Variants in MIA2 observed in about 807,000 individuals in gnomAD.
The protein encoded by MIA2 is MIA SH3 domain ER export factor 2, also known as melanoma inhibitory activity protein 2.
MIA2 carries 127 observed loss-of-function variants against 167.8 expected under a neutral mutation model. The observed-to-expected ratio is 0.76, with a 90% CI of 0.66 to 0.88. MIA2 has a LOEUF of 0.88. Among genes scored for constraint, MIA2 ranks in the 40% least tolerant of loss-of-function variants. The pLI, the probability that MIA2 is intolerant of heterozygous loss-of-function variation, is 0.00. For missense variants in MIA2, 1,690 were observed against 1,624.7 expected, an observed-to-expected ratio of 1.04 and a Z score of -0.69; for synonymous variants, 552 against 541.9, an observed-to-expected ratio of 1.02 and a Z score of -0.26.
intron 6 of MIA2, among the ~76,000 whole-genome samples, chr14:39,263,911 G>T (rs1353518001): frequency 3.9e-5 from 6 of 152,088 alleles, no homozygotes; most frequent in Non-Finnish European, 8.8e-5. Context: ...TGGGATTATA[G>T]GTGTGAGCCA....
Position 39,244,655 on chromosome 14 carries a change from TA to T in MIA2, c.337-2247del, listed in dbSNP as rs900214250. Among the ~76,000 whole-genome samples the T allele has an allele frequency of 7.9e-5, 12 of 151,398 alleles. No individual in the cohort carries two copies. In the South Asian group the frequency reaches 8.4e-4, roughly 11 times the overall value. ...ACATCGCTATTTCTAACATTCAGAT[TA>T]AAAAAAAAGTCTTCATCATGTTTCT... is the stretch of plus-strand genomic sequence containing the variant. On this transcript the variant is annotated intron_variant, in intron 3 of 28. Transcript: ENST00000640607.
chr14:39,297,459 A>G (rs568747167), intron 13 of MIA2, among the ~76,000 whole-genome samples: 1 of 152,316 alleles, frequency 6.6e-6, no homozygotes, highest in South Asian at 2.1e-4. Flanking sequence ...CACAGGGATG[A>G]GTCCTCCACA....
chr14:39,317,919 T>G, intron 21 of MIA2, 25 bp from the exon 22 acceptor site: 1 of 1,507,434 alleles, frequency 6.6e-7, no homozygotes, highest in East Asian at 2.4e-5. Flanking sequence ...TAAATATATT[T>G]TTAAAATGTG....
chr14:39,381,834 ACAAAT>A (rs911478414), intron 23 of MIA2, among the ~76,000 whole-genome samples: 2 of 148,182 alleles, frequency 1.3e-5, no homozygotes, highest in East Asian at 2.0e-4. Flanking sequence ...AAAACCAGAA[ACAAAT>A]CAACAACAAC....
intron 23 of MIA2, among the ~76,000 whole-genome samples, chr14:39,320,480 A>G (rs983041548): frequency 6.6e-6 from 1 of 152,156 alleles, no homozygotes; most frequent in African/African-American, 2.4e-5. Context: ...AGCATTATTT[A>G]AACAATTCAT....
intron 25 of MIA2, among the ~76,000 whole-genome samples, chr14:39,341,331 T>A (rs1203511753): frequency 1.3e-5 from 2 of 151,836 alleles, no homozygotes; most frequent in African/African-American, 2.4e-5. Context: ...AATGAATAAA[T>A]AAATAAATAA....
downstream of MIA2, chr14:39,351,189 C>T (rs1055992196): frequency 3.9e-5 from 6 of 152,006 alleles, no homozygotes; most frequent in Non-Finnish European, 7.4e-5. Flanking sequence ...CATCATAATA[C>T]TTAACGTTGC....
downstream of MIA2, among the ~76,000 whole-genome samples, chr14:39,353,832 G>A (rs142615034): frequency 0.02 from 3,080 of 152,210 alleles, 98 homozygotes; most frequent in African/African-American, 0.067. Flanking sequence ...TTTTGTCCTT[G>A]CGATAGTTTG....
At chr14:39,375,339 C>G (rs114945611) in intron 23 of MIA2, among the ~76,000 whole-genome samples, 42 of 152,012 alleles carry the variant, frequency 2.8e-4, no homozygotes, top group Non-Finnish European at 1.0e-4. Context: ...GAGTTTTTGC[C>G]ATGTTAAATT....
At chr14:39,311,834 G>GTT (rs1208988140) in intron 18 of MIA2, among the ~76,000 whole-genome samples, 5 of 77,498 alleles carry the variant, frequency 6.5e-5, no homozygotes, top group African/African-American at 1.5e-4. Context: ...TTGTGTGTGT[G>GTT]TGTTTTTTTT....
chr14:39,284,601 C>T (rs910073566), intron 9 of MIA2, among the ~76,000 whole-genome samples: 3 of 151,860 alleles, frequency 2.0e-5, no homozygotes, highest in Admixed American at 6.6e-5. Flanking sequence ...ATTTTGGCTG[C>T]GTTTCCATTT....
In MIA2 at chr14:39,267,233, C is replaced by T. The variant is rs539322352; in HGVS notation, c.1888-9701C>T. 26 of 1,377,738 alleles carry T rather than the reference C, an allele frequency of 1.9e-5. 1 individual carries two copies. In the South Asian group the frequency reaches 3.8e-4, roughly 20 times the overall value. The allele number at this position is 1,377,738 out of a possible 1,614,324, so 85.3% of individuals were successfully genotyped here. ...CGGGTCGGGCTCGGACCTGCGCTGC[C>T]TCGGGATGTAAAGTATAACAAGAGG... On this transcript the variant is annotated intron_variant, in intron 6 of 28. Transcript: ENST00000640607.
chr14:39,296,800 G>A (rs1404265789), intron 13 of MIA2, among the ~76,000 whole-genome samples: 1 of 151,146 alleles, frequency 6.6e-6, no homozygotes, highest in African/African-American at 2.4e-5. Context: ...TTTTGAGATG[G>A]AGTCTTGCCT....
intron 25 of MIA2, among the ~76,000 whole-genome samples, chr14:39,333,981 G>A (rs902323335): frequency 6.6e-6 from 1 of 152,156 alleles, no homozygotes; most frequent in African/African-American, 2.4e-5. Flanking sequence ...ATAGACAAGG[G>A]TAATTCTACA....
intron 17 of MIA2, among the ~76,000 whole-genome samples, chr14:39,304,772 C>T (rs8016370): frequency 0.031 from 4,753 of 152,114 alleles, 269 homozygotes; most frequent in African/African-American, 0.11. Context: ...TGATTCGTTC[C>T]TTTAATGTAC....
At chr14:39,372,157 A>T (rs954927583) in intron 23 of MIA2, among the ~76,000 whole-genome samples, 1 of 148,826 alleles carries the variant, frequency 6.7e-6, no homozygotes, top group African/African-American at 2.6e-5. Context: ...GGATTCTGTT[A>T]TAAGAATGGA....
At chr14:39,357,307 T>A (rs1364436713) in intron 23 of MIA2, among the ~76,000 whole-genome samples, 2 of 152,242 alleles carry the variant, frequency 1.3e-5, no homozygotes, top group Non-Finnish European at 2.9e-5. Flanking sequence ...CATTATGTAA[T>A]GGCCTTGTTT....
intron 2 of MIA2, 157 bp downstream of exon 2, chr14:39,237,212 C>T (rs1269765622): frequency 2.4e-6 from 2 of 817,828 alleles, no homozygotes; most frequent in East Asian, 2.8e-5. Context: ...CTTCCAGCTT[C>T]CAACTCCTGA....
intron 6 of MIA2, among the ~76,000 whole-genome samples, chr14:39,272,378 G>T (rs1158487170): frequency 1.3e-5 from 2 of 151,856 alleles, no homozygotes; most frequent in Non-Finnish European, 2.9e-5. Flanking sequence ...AAACTTATTA[G>T]TAAAGGGTAG....
Sources: allele counts gnomAD v4.1 joint callset (sites outside exome capture counted in the v4.1 genomes callset), GRCh38; gene constraint gnomAD v4.1.1; transcripts MANE v1.5; gene names NCBI Gene and HGNC (gene_info 2026-07-23, HGNC 2026-07-21).